NBEA: variants seen among roughly 807,000 people sequenced by gnomAD.
The protein encoded by NBEA is lysosomal-trafficking regulator 2.
A neutral mutation model predicts 343.4 loss-of-function variants in NBEA; 44 were observed. The ratio of observed to expected loss-of-function variants is 0.13; its 90% CI spans 0.10 to 0.16. The LOEUF (loss-of-function observed/expected upper bound fraction) is 0.16. NBEA is among the 10% of genes least tolerant of loss of function. The pLI, the probability that NBEA is intolerant of heterozygous loss-of-function variation, is 1.00. For missense variants in NBEA, 2,555 were observed against 3,631.3 expected (o/e 0.70, Z 7.62); for synonymous variants, 1,175 against 1,238.7 (o/e 0.95, Z 1.08).
At chr13:35,084,427 C>A (rs1441550324) in intron 10 of NBEA, among the ~76,000 whole-genome samples, 1 of 152,184 alleles carries the variant, frequency 6.6e-6, no homozygotes, top group Non-Finnish European at 1.5e-5. Flanking sequence ...GATTAAGAAA[C>A]TCACTCAAAA....
intron 22 of NBEA, among the ~76,000 whole-genome samples, chr13:35,160,413 AC>A (rs2069474618): frequency 6.6e-6 from 1 of 152,074 alleles, no homozygotes; most frequent in Admixed American, 6.6e-5. Context: ...ATTAATTTTA[AC>A]CTTTTAAGCT....
At chr13:35,372,256 G>A (rs539132698) in intron 38 of NBEA, among the ~76,000 whole-genome samples, 5 of 152,298 alleles carry the variant, frequency 3.3e-5, no homozygotes, top group Admixed American at 6.5e-5. Context: ...TAGCATTGGC[G>A]GTGGCTGTGA....
intron 34 of NBEA, among the ~76,000 whole-genome samples, chr13:35,239,048 T>C (rs2075365253): frequency 6.6e-6 from 1 of 152,154 alleles, no homozygotes; most frequent in South Asian, 2.1e-4. Flanking sequence ...TTCAGAATTA[T>C]TGTTTTTAAA....
intron 31 of NBEA, among the ~76,000 whole-genome samples, chr13:35,204,994 A>G (rs983652936): frequency 1.3e-5 from 2 of 152,168 alleles, no homozygotes; most frequent in African/African-American, 4.8e-5. Flanking sequence ...TCATATATGA[A>G]TAGTTGCTAA....
chr13:35,239,033 A>G (rs560883028), intron 34 of NBEA, among the ~76,000 whole-genome samples: 1 of 152,270 alleles, frequency 6.6e-6, no homozygotes, highest in South Asian at 2.1e-4. Flanking sequence ...AGACTAAAAT[A>G]TAATTTCAGA....
intron 38 of NBEA, among the ~76,000 whole-genome samples, chr13:35,394,624 C>T (rs576572242): frequency 3.3e-5 from 5 of 152,044 alleles, no homozygotes; most frequent in African/African-American, 4.8e-5. Context: ...TTGGTATCTC[C>T]TCCACATAAC....
chr13:35,251,436 G>A, intron 34 of NBEA: 1 of 1,054,874 alleles, frequency 9.5e-7, no homozygotes, highest in South Asian at 3.0e-5. Context: ...GGCTCACTTT[G>A]ATGCTGGAGA....
intron 38 of NBEA, among the ~76,000 whole-genome samples, chr13:35,421,044 C>T (rs2044240232): frequency 6.6e-6 from 1 of 151,354 alleles, no homozygotes; most frequent in African/African-American, 2.4e-5. Flanking sequence ...CTTCTACTTG[C>T]CTTTTATGTG....
chr13:35,521,190 A>G (rs2077694963), intron 41 of NBEA, among the ~76,000 whole-genome samples: 1 of 151,904 alleles, frequency 6.6e-6, no homozygotes, highest in Non-Finnish European at 1.5e-5. Flanking sequence ...ATTACTATTT[A>G]ATATTATAGT....
chr13:35,523,486 T>G (rs183944094), intron 41 of NBEA, among the ~76,000 whole-genome samples: 44 of 152,288 alleles, frequency 2.9e-4, no homozygotes, highest in Middle Eastern at 6.8e-3. Flanking sequence ...ACTATGGGTC[T>G]GCAACTTATG....
chr13:35,002,619 A>C (rs576598445), intron 1 of NBEA, among the ~76,000 whole-genome samples: 1 of 152,340 alleles, frequency 6.6e-6, no homozygotes, highest in African/African-American at 2.4e-5. Flanking sequence ...AGGTCGGTGC[A>C]AAAGTAATTG....
intron 10 of NBEA, among the ~76,000 whole-genome samples, chr13:35,084,904 AC>A: frequency 6.6e-6 from 1 of 152,292 alleles, no homozygotes; most frequent in African/African-American, 2.4e-5. Context: ...AGGGGATATC[AC>A]CACCGATCCC....
At chr13:35,670,490 T>A (rs987666658) in intron 58 of NBEA, among the ~76,000 whole-genome samples, 25 of 150,968 alleles carry the variant, frequency 1.7e-4, no homozygotes, top group Admixed American at 1.6e-3. Flanking sequence ...GGACAAGAGG[T>A]GGAGTGATTC....
intron 10 of NBEA, among the ~76,000 whole-genome samples, chr13:35,086,901 T>C (rs1449334404): frequency 6.6e-6 from 1 of 152,028 alleles, no homozygotes; most frequent in African/African-American, 2.4e-5. Context: ...TGCTTAGTCA[T>C]GTTGAATATT....
At chr13:35,081,389 T>A (rs2064387071) in intron 10 of NBEA, among the ~76,000 whole-genome samples, 1 of 152,200 alleles carries the variant, frequency 6.6e-6, no homozygotes, top group Non-Finnish European at 1.5e-5. Context: ...ATCTAGGTAT[T>A]AAATTTTATA....
chr13:35,117,333 C>A, intron 13 of NBEA, 81 bp from the exon 14 acceptor site: 1 of 547,860 alleles, frequency 1.8e-6, no homozygotes, highest in Non-Finnish European at 2.7e-6. Flanking sequence ...TCAAGAATGC[C>A]ATAGTATCCC....
In NBEA at chr13:35,076,162, A is replaced by G. The variant is rs9600068; in HGVS notation, c.1571+5310A>G. On this transcript the variant is annotated intron_variant, in intron 10 of 58. Transcript: ENST00000379939. ...AAATATTTGTATTAGGCTATAGTTTATACAGTTATATTTACTTAGGTTTTT... is the reference window on the plus strand; with the variant it reads ...AAATATTTGTATTAGGCTATAGTTTGTACAGTTATATTTACTTAGGTTTTT... Among the ~76,000 whole-genome samples, 1,480 of 152,056 alleles carry G rather than the reference A, an allele frequency of 9.7e-3. 20 individuals are homozygous for G. The highest frequency in any genetic ancestry group is 0.034 in the African/African-American group (1,427 of 41,546).
chr13:35,649,982 C>A, intron 52 of NBEA, 135 bp downstream of exon 52: 2 of 889,138 alleles, frequency 2.2e-6, no homozygotes, highest in Non-Finnish European at 3.4e-6. Flanking sequence ...AAATAATTGT[C>A]AAATCCAACT....
rs988511652 is a variant in NBEA at position 35,005,485 on chromosome 13, C to A, written c.295-35448C>A. 3.9e-5 allele frequency among the ~76,000 whole-genome samples: 6 copies of A among 152,118 alleles called. No individual in the cohort carries two copies. In the East Asian group the frequency reaches 1.2e-3, roughly 29 times the overall value. On this transcript the variant is annotated intron_variant, in intron 1 of 58. Coordinates refer to ENST00000379939, the MANE Select transcript of NBEA (RefSeq NM_001385012.1). The stretch of plus-strand genomic sequence containing the variant: ...GAATAATGAAACCTTTAATCTCTGA[C>A]CCTGTAAACTTAGATATTTTGCTGT...
Sources: gnomAD v4.1 joint callset for allele counts (sites outside exome capture counted in the v4.1 genomes callset) on GRCh38, gnomAD v4.1.1 for gene constraint, MANE v1.5 for transcripts, NCBI Gene and HGNC (gene_info 2026-07-23, HGNC 2026-07-21) for gene names.